The following HAUS6 variants were observed in gnomAD, a reference collection of about 807,000 sequenced individuals.
HAUS6 encodes HAUS augmin like complex subunit 6, also known as HAUS augmin-like complex subunit 6.
Under a neutral mutation model 106.8 loss-of-function variants are expected in HAUS6, and 80 were observed. The ratio of observed to expected loss-of-function variants is 0.75; its 90% CI spans 0.63 to 0.90. HAUS6 has a LOEUF of 0.90. Among genes scored for constraint, HAUS6 ranks in the 40% least tolerant of loss-of-function variants. HAUS6 has a pLI of 0.00. For synonymous variants in HAUS6, 356 were observed against 379.1 expected (o/e 0.94, Z 0.71); for missense variants, 1,155 against 1,118.1 (o/e 1.03, Z -0.47).
Position 19,058,318 on chromosome 9 carries a change from C to G in HAUS6, c.2449G>C (p.Val817Leu). 1 of 1,613,760 alleles carries G rather than the reference C, an allele frequency of 6.2e-7. No homozygotes were observed. Among genetic ancestry groups the G allele is most frequent in the South Asian group, 1.1e-5 (1 of 91,072 alleles). Residue 817 changes from valine (V) to leucine (L), a missense_variant, in exon 16 of 17, where the codon GTG (valine) becomes CTG (leucine). Physicochemically the swap from Val to Leu is conservative, Grantham distance 32. Transcript: ENST00000380502. ...MHGGTLLEDVVGGRQTTPESD... is the reference protein window; with the variant it reads ...MHGGTLLEDVLGGRQTTPESD... Reference sequence around the variant, plus strand: ...TCTGGAGTAGTCTGTCTCCCTCCCACAACATCTTCTAGAAGAGTGCCACCA... The same window carrying G: ...TCTGGAGTAGTCTGTCTCCCTCCCAGAACATCTTCTAGAAGAGTGCCACCA...
At chr9:19,094,523 G>A (rs1384800099) in intron 2 of HAUS6, 128 bp from the exon 3 acceptor site, 2 of 610,290 alleles carry the variant, frequency 3.3e-6, no homozygotes, top group East Asian at 5.8e-5. Flanking sequence ...CAAGCGCGGT[G>A]GCTCACACTT....
At position 19,102,597 on chromosome 9, in the gene HAUS6, G is replaced by C. The variant is rs987941842; in HGVS notation, c.55C>G (p.Gln19Glu). ...GGGCCTGGCTCGAAGCCGAGCGCCTGCAGATACATCCAGAGATGCTCCTTC... is the reference window on the plus strand; with the variant it reads ...GGGCCTGGCTCGAAGCCGAGCGCCTCCAGATACATCCAGAGATGCTCCTTC... The part of the protein sequence containing the change: ...FEKEHLWMYL[Q>E]ALGFEPGPAT... Residue 19 changes from glutamine to glutamate, a missense_variant, in exon 1 of 17, where the codon CAG becomes GAG. By Grantham distance (29) the Gln-to-Glu change is conservative. Transcript: ENST00000380502. The C allele has an allele frequency of 1.2e-6, 2 of 1,613,758 alleles. No homozygotes were observed. Among genetic ancestry groups the C allele is most frequent in the Non-Finnish European group, 1.7e-6 (2 of 1,179,896 alleles).
Position 19,053,942 on chromosome 9 carries a change from T to A in HAUS6, c.*2401A>T, listed in dbSNP as rs1482791886. The A allele has an allele frequency of 6.6e-6, 1 of 152,058 alleles. No individual in the cohort carries two copies. The highest frequency in any genetic ancestry group is 1.5e-5 in the Non-Finnish European group (1 of 68,004). The allele number at this position is 152,058 out of a possible 1,614,324, so 9.4% of individuals were successfully genotyped here. ...TATTGCTATAACTAGAAAGACCACA[T>A]GCAACCATAAAAAATATATAATAAA... On this transcript the variant is annotated 3_prime_UTR_variant, in exon 17 of 17. Transcript: ENST00000380502.
intron 14 of HAUS6, among the ~76,000 whole-genome samples, chr9:19,060,934 G>A (rs1409204489): frequency 6.6e-6 from 1 of 152,078 alleles, no homozygotes; most frequent in African/African-American, 2.4e-5. Flanking sequence ...GGCCGAGACG[G>A]TCGGATCACT....
intron 12 of HAUS6, among the ~76,000 whole-genome samples, chr9:19,069,469 A>C (rs1836839990): frequency 6.6e-6 from 1 of 152,126 alleles, no homozygotes; most frequent in Non-Finnish European, 1.5e-5. Flanking sequence ...CGGGTAGATC[A>C]CCTGAGATCA....
At chr9:19,074,340 T>C (rs1286266941) in intron 11 of HAUS6, among the ~76,000 whole-genome samples, 2 of 152,096 alleles carry the variant, frequency 1.3e-5, no homozygotes, top group African/African-American at 2.4e-5. Context: ...GGAGCAGTAA[T>C]AGATCATTGC....
chr9:19,101,925 A>C (rs1257689362), intron 1 of HAUS6, among the ~76,000 whole-genome samples: 1 of 152,190 alleles, frequency 6.6e-6, no homozygotes, highest in Non-Finnish European at 1.5e-5. Context: ...TATGAAAGAA[A>C]AGAATTCCTC....
At chr9:19,057,929 G>A (rs1588591500) in intron 16 of HAUS6, 32 bp downstream of exon 16, 1 of 1,316,484 alleles carries the variant, frequency 7.6e-7, no homozygotes, top group Non-Finnish European at 1.1e-6. Flanking sequence ...AACTTCAACA[G>A]GTGAATATGC....
At chr9:19,079,677 C>T (rs772118933) in intron 9 of HAUS6, among the ~76,000 whole-genome samples, 1 of 151,944 alleles carries the variant, frequency 6.6e-6, no homozygotes, top group African/African-American at 2.4e-5. Flanking sequence ...CTGAGGCAGG[C>T]GGATCACCTG....
chr9:19,062,313 AAG>A (rs1836641821), intron 14 of HAUS6, among the ~76,000 whole-genome samples: 1 of 152,254 alleles, frequency 6.6e-6, no homozygotes, highest in Non-Finnish European at 1.5e-5. Context: ...ATTCAAAAAA[AAG>A]AGGAAACTCA....
intron 4 of HAUS6, among the ~76,000 whole-genome samples, 199 bp downstream of exon 4, chr9:19,092,972 T>C (rs1342022037): frequency 6.8e-6 from 1 of 146,476 alleles, no homozygotes; most frequent in Non-Finnish European, 1.5e-5. Context: ...CATAATAAAA[T>C]AATATAAATA....
intron 14 of HAUS6, among the ~76,000 whole-genome samples, chr9:19,062,384 T>A (rs867911463): frequency 2.5e-4 from 38 of 152,344 alleles, no homozygotes; most frequent in Middle Eastern, 3.4e-3. Context: ...ACTGGGTACA[T>A]TTATCTAACC....
chr9:19,086,944 G>T, intron 6 of HAUS6, 147 bp downstream of exon 6: 1 of 621,388 alleles, frequency 1.6e-6, no homozygotes, highest in Non-Finnish European at 2.9e-6. Context: ...AACTGGATTA[G>T]CAGTCATAAC....
intron 4 of HAUS6, among the ~76,000 whole-genome samples, chr9:19,091,365 T>C (rs1817743258): frequency 6.6e-6 from 1 of 152,020 alleles, no homozygotes. Context: ...GTACCGAATT[T>C]AGAAGTTATC....
intron 12 of HAUS6, 75 bp from the exon 13 acceptor site, chr9:19,063,655 A>T: frequency 1.0e-6 from 1 of 988,060 alleles, no homozygotes; most frequent in Non-Finnish European, 1.6e-6. Flanking sequence ...TCTATTCTAA[A>T]ATCTGTCTGC....
chr9:19,081,483 C>G (rs1419972776), intron 8 of HAUS6, among the ~76,000 whole-genome samples: 2 of 151,918 alleles, frequency 1.3e-5, no homozygotes, highest in African/African-American at 4.8e-5. Flanking sequence ...CTCTGTCTCC[C>G]AGGCTGGGTG....
At position 19,054,140 on chromosome 9, in the gene HAUS6, G is replaced by T. The variant is rs1836419464; in HGVS notation, c.*2203C>A. ...TGGTAAACTAGTAGAGGAAAGCAAG[G>T]TATTCCTGCTTCAGGAAAATTGTAT... is the stretch of plus-strand genomic sequence containing the variant. On this transcript the variant is annotated 3_prime_UTR_variant, in exon 17 of 17. Coordinates refer to ENST00000380502, the MANE Select transcript of HAUS6 (RefSeq NM_017645.5). 1 of 152,146 alleles carries T rather than the reference G, an allele frequency of 6.6e-6. No individual in the cohort carries two copies. Among genetic ancestry groups the T allele is most frequent in the Non-Finnish European group, 1.5e-5 (1 of 68,026 alleles). The allele number at this position is 152,146 out of a possible 1,614,324, so 9.4% of individuals were successfully genotyped here.
intron 11 of HAUS6, among the ~76,000 whole-genome samples, chr9:19,071,524 AT>A (rs1241719698): frequency 1.3e-5 from 2 of 151,668 alleles, no homozygotes; most frequent in African/African-American, 4.8e-5. Context: ...ACAAAACTAC[AT>A]TTAGATATAT....
chr9:19,099,327 C>T (rs374051155), intron 1 of HAUS6, among the ~76,000 whole-genome samples: 11 of 152,002 alleles, frequency 7.2e-5, no homozygotes, highest in African/African-American at 2.7e-4. Flanking sequence ...CCAACACGCC[C>T]GGCTAATTTT....
Sources: gnomAD v4.1 joint callset for allele counts (sites outside exome capture counted in the v4.1 genomes callset) on GRCh38, gnomAD v4.1.1 for gene constraint, MANE v1.5 for transcripts, NCBI Gene and HGNC (gene_info 2026-07-23, HGNC 2026-07-21) for gene names.